The following GPC5 variants were observed in gnomAD, a reference collection of about 807,000 sequenced individuals.
GPC5 encodes glypican 5.
Under a neutral mutation model 53.9 loss-of-function variants are expected in GPC5, and 47 were observed. The observed-to-expected ratio is 0.87, with a 90% CI of 0.69 to 1.11. The LOEUF is 1.11. GPC5 is among the 50% of genes most tolerant of loss of function. The pLI, the probability that GPC5 is intolerant of heterozygous loss-of-function variation, is 0.00. For missense variants in GPC5, 748 were observed against 713.1 expected (o/e 1.05, Z -0.56); for synonymous variants, 286 against 263.3 (o/e 1.09, Z -0.84).
At chr13:91,491,691 G>C (rs187459545) in intron 2 of GPC5, among the ~76,000 whole-genome samples, 170 of 152,222 alleles carry the variant, frequency 1.1e-3, no homozygotes, top group Admixed American at 3.5e-3. Flanking sequence ...GCCTCTTCCA[G>C]CTTCCTCTGG....
At chr13:92,185,926 A>G (rs368759848) in intron 7 of GPC5, among the ~76,000 whole-genome samples, 2 of 152,302 alleles carry the variant, frequency 1.3e-5, no homozygotes, top group South Asian at 4.1e-4. Flanking sequence ...TAAAAAATAT[A>G]CAGATACTGA....
At chr13:92,066,211 TA>T in intron 6 of GPC5, among the ~76,000 whole-genome samples, 1 of 152,188 alleles carries the variant, frequency 6.6e-6, no homozygotes, top group South Asian at 2.1e-4. Flanking sequence ...CTCCTCATGC[TA>T]AAGGACAAGG....
At chr13:92,151,230 T>C (rs2041905350) in intron 7 of GPC5, among the ~76,000 whole-genome samples, 1 of 152,066 alleles carries the variant, frequency 6.6e-6, no homozygotes, top group Non-Finnish European at 1.5e-5. Flanking sequence ...TTTGAGCTGA[T>C]CCCAGAGCCT....
At chr13:92,571,373 A>G (rs1883017239) in intron 7 of GPC5, among the ~76,000 whole-genome samples, 1 of 152,188 alleles carries the variant, frequency 6.6e-6, no homozygotes, top group South Asian at 2.1e-4. Flanking sequence ...CACAAGCAGT[A>G]AGTGAAAGAA....
At chr13:91,708,067 C>T (rs1292300959) in intron 3 of GPC5, among the ~76,000 whole-genome samples, 1 of 152,050 alleles carries the variant, frequency 6.6e-6, no homozygotes, top group East Asian at 1.9e-4. Context: ...TATAGCTGAG[C>T]AGACAGGAGT....
At chr13:92,126,676 T>C (rs2041699947) in intron 6 of GPC5, among the ~76,000 whole-genome samples, 1 of 152,168 alleles carries the variant, frequency 6.6e-6, no homozygotes, top group Admixed American at 6.5e-5. Context: ...TATCTGGCCC[T>C]GGACAGGAAA....
intron 7 of GPC5, among the ~76,000 whole-genome samples, chr13:92,459,565 A>G (rs533809394): frequency 1.3e-5 from 2 of 152,320 alleles, no homozygotes; most frequent in African/African-American, 4.8e-5. Context: ...GATTGTTCAC[A>G]GTGGCCAAAT....
chr13:91,728,397 T>G, intron 3 of GPC5, 135 bp from the exon 4 acceptor site: 1 of 631,342 alleles, frequency 1.6e-6, no homozygotes, highest in Non-Finnish European at 2.6e-6. Context: ...AAACATTATA[T>G]ATACATATTA....
intron 7 of GPC5, among the ~76,000 whole-genome samples, chr13:92,223,055 AT>A (rs943853992): frequency 6.6e-6 from 1 of 152,100 alleles, no homozygotes; most frequent in African/African-American, 2.4e-5. Flanking sequence ...TTTCATCCAC[AT>A]TTTTTCTTTG....
rs868799265 is a variant in GPC5 at position 91,754,344 on chromosome 13, G to A, written c.1155-1951G>A. On this transcript the variant is annotated intron_variant, in intron 4 of 7. Transcript: ENST00000377067. ...GTAATCTTAGTGTAGTACGTCCAGA[G>A]AAAGATGATAAAGGCTTGGACTAAG... is the stretch of plus-strand genomic sequence containing the variant. 7.9e-5 allele frequency among the ~76,000 whole-genome samples: 12 copies of A among 152,248 alleles called. No homozygotes were observed. The Middle Eastern group carries it at 0.017, about 216-fold the overall frequency.
chr13:92,742,511 T>A (rs1488077495), intron 7 of GPC5, among the ~76,000 whole-genome samples: 1 of 147,602 alleles, frequency 6.8e-6, no homozygotes, highest in Non-Finnish European at 1.5e-5. Flanking sequence ...ATTGCAAAAA[T>A]TTTCTCCCAT....
chr13:92,622,812 CTCTTA>C (rs1161748271), intron 7 of GPC5, among the ~76,000 whole-genome samples: 1 of 152,118 alleles, frequency 6.6e-6, no homozygotes, highest in East Asian at 1.9e-4. Context: ...AGAAATTATA[CTCTTA>C]TCTAACCTGA....
intron 7 of GPC5, among the ~76,000 whole-genome samples, chr13:92,199,990 T>G: frequency 6.6e-6 from 1 of 152,222 alleles, no homozygotes; most frequent in Non-Finnish European, 1.5e-5. Context: ...TATGTCATGC[T>G]GAAAAACACT....
At chr13:92,863,704 G>A (rs1566450455) in intron 7 of GPC5, among the ~76,000 whole-genome samples, 1 of 152,082 alleles carries the variant, frequency 6.6e-6, no homozygotes, top group African/African-American at 2.4e-5. Flanking sequence ...TGTTGGTCAG[G>A]CTGGTCTTGT....
chr13:92,258,016 A>G (rs1292052735), intron 7 of GPC5, among the ~76,000 whole-genome samples: 1 of 152,194 alleles, frequency 6.6e-6, no homozygotes, highest in Non-Finnish European at 1.5e-5. Flanking sequence ...ATAATTCACC[A>G]ATTTATTATG....
chr13:92,714,830 G>A (rs2139276085), intron 7 of GPC5, among the ~76,000 whole-genome samples: 1 of 152,276 alleles, frequency 6.6e-6, no homozygotes, highest in Non-Finnish European at 1.5e-5. Context: ...TACTTTGGGA[G>A]GCCGAGGCAA....
intron 7 of GPC5, among the ~76,000 whole-genome samples, chr13:92,306,931 T>A (rs959900403): frequency 6.6e-6 from 1 of 152,238 alleles, no homozygotes; most frequent in African/African-American, 2.4e-5. Context: ...CTTGTCTGTT[T>A]CAGGATTTTA....
At chr13:91,517,655 C>T (rs566006573) in intron 2 of GPC5, among the ~76,000 whole-genome samples, 4 of 152,238 alleles carry the variant, frequency 2.6e-5, no homozygotes, top group East Asian at 1.9e-4. Context: ...AACAATGCCC[C>T]ACTCTACTGG....
chr13:92,365,488 T>A (rs1437999963), intron 7 of GPC5, among the ~76,000 whole-genome samples: 1 of 151,586 alleles, frequency 6.6e-6, no homozygotes, highest in Non-Finnish European at 1.5e-5. Context: ...AATGATAAAT[T>A]ACCCTTAGTT....
Sources: allele counts gnomAD v4.1 joint callset (sites outside exome capture counted in the v4.1 genomes callset), GRCh38; gene constraint gnomAD v4.1.1; transcripts MANE v1.5; gene names NCBI Gene and HGNC (gene_info 2026-07-23, HGNC 2026-07-21).